SGCZ: variants seen among roughly 807,000 people sequenced by gnomAD.
SGCZ encodes zeta-sarcoglycan.
A neutral mutation model predicts 41.3 loss-of-function variants in SGCZ; 40 were observed. The observed-to-expected ratio is 0.97, with a 90% CI of 0.75 to 1.26. The LOEUF (loss-of-function observed/expected upper bound fraction) is 1.26. Among genes scored for constraint, SGCZ ranks in the 50% most tolerant of loss-of-function variants. SGCZ has a pLI of 0.00. For missense variants in SGCZ, 552 were observed against 369.8 expected (o/e 1.49, Z -4.04); for synonymous variants, 206 against 137.5 (o/e 1.50, Z -3.49).
At chr8:14,211,224 C>G (rs1805795436) in intron 4 of SGCZ, among the ~76,000 whole-genome samples, 1 of 152,130 alleles carries the variant, frequency 6.6e-6, no homozygotes, top group Non-Finnish European at 1.5e-5. Flanking sequence ...TTGCAGGACT[C>G]CTGTGTCTGC....
At chr8:14,413,349 C>G (rs1053387314) in intron 2 of SGCZ, among the ~76,000 whole-genome samples, 2 of 126,448 alleles carry the variant, frequency 1.6e-5, no homozygotes, top group Non-Finnish European at 3.3e-5. Flanking sequence ...GATATCCTTA[C>G]TTTTTAAGCT....
intron 7 of SGCZ, 68 bp from the exon 8 acceptor site, chr8:14,090,705 C>T (rs907653746): frequency 3.3e-5 from 44 of 1,346,052 alleles, no homozygotes; most frequent in Non-Finnish European, 4.4e-5. Context: ...CTACATCCCT[C>T]CTCAACATGG....
chr8:14,322,427 A>G (rs12550172), intron 3 of SGCZ, among the ~76,000 whole-genome samples: 30,784 of 152,058 alleles, frequency 0.2, 3,863 homozygotes, highest in Non-Finnish European at 0.29. Flanking sequence ...TCCACCTCAC[A>G]CGTTAATGCT....
intron 1 of SGCZ, among the ~76,000 whole-genome samples, chr8:15,185,552 A>G (rs1800307015): frequency 6.6e-6 from 1 of 152,136 alleles, no homozygotes; most frequent in Non-Finnish European, 1.5e-5. Context: ...ATATCTTTAT[A>G]TCTGTCTAGT....
chr8:14,539,299 C>G (rs1226700033), intron 2 of SGCZ, among the ~76,000 whole-genome samples: 1 of 151,930 alleles, frequency 6.6e-6, no homozygotes, highest in African/African-American at 2.4e-5. Flanking sequence ...CCTTGTCTCT[C>G]TCTTTCTATA....
At chr8:14,711,155 A>G (rs184344006) in intron 1 of SGCZ, among the ~76,000 whole-genome samples, 1 of 152,348 alleles carries the variant, frequency 6.6e-6, no homozygotes, top group African/African-American at 2.4e-5. Context: ...ATACTGAGCA[A>G]GTCACTATGG....
intron 1 of SGCZ, among the ~76,000 whole-genome samples, chr8:15,005,064 C>T (rs1802555850): frequency 6.6e-6 from 1 of 152,168 alleles, no homozygotes. Flanking sequence ...GATCACTTCA[C>T]ACGGTGCGCT....
chr8:14,182,959 G>A (rs184203757), intron 4 of SGCZ, among the ~76,000 whole-genome samples: 7 of 145,328 alleles, frequency 4.8e-5, no homozygotes, highest in East Asian at 2.0e-4. Context: ...GCAGTGAGCC[G>A]AGATCGTGCC....
chr8:14,511,082 T>C (rs1482726382), intron 2 of SGCZ, among the ~76,000 whole-genome samples: 1 of 151,966 alleles, frequency 6.6e-6, no homozygotes, highest in Non-Finnish European at 1.5e-5. Flanking sequence ...TAGGTGAATT[T>C]AGGATGAATT....
intron 5 of SGCZ, among the ~76,000 whole-genome samples, chr8:14,111,093 A>T (rs922664980): frequency 1.3e-5 from 2 of 152,010 alleles, no homozygotes; most frequent in South Asian, 2.1e-4. Flanking sequence ...TTTAAAAAAA[A>T]ACTGTCTCTC....
intron 2 of SGCZ, among the ~76,000 whole-genome samples, chr8:14,504,306 T>C (rs1324577958): frequency 1.3e-5 from 2 of 152,230 alleles, no homozygotes; most frequent in Non-Finnish European, 2.9e-5. Flanking sequence ...TCTTTTTTAA[T>C]ATTCAATCTT....
At chr8:14,376,332 A>G (rs1347872542) in intron 2 of SGCZ, among the ~76,000 whole-genome samples, 2 of 150,626 alleles carry the variant, frequency 1.3e-5, no homozygotes, top group Non-Finnish European at 2.9e-5. Flanking sequence ...ATAAAATAAA[A>G]AATAAAATAA....
chr8:15,215,205 T>C lies in SGCZ; in HGVS notation c.39+22380A>G, dbSNP rs568925573. The stretch of plus-strand genomic sequence containing the variant: ...TGGCATTAAACTAGATATATCACAG[T>C]TACAAAGATAATTATTGCTCTTCAA... On this transcript the variant is annotated intron_variant, in intron 1 of 7. Transcript: ENST00000382080. 9.4e-4 allele frequency among the ~76,000 whole-genome samples: 143 copies of C among 152,296 alleles called. 2 individuals are homozygous for C. Among genetic ancestry groups the C allele is most frequent in the Non-Finnish European group, 1.8e-3 (122 of 68,014 alleles).
At chr8:14,702,812 GGTAGATAGA>G (rs1563212869) in intron 1 of SGCZ, among the ~76,000 whole-genome samples, 14 of 118,366 alleles carry the variant, frequency 1.2e-4, no homozygotes, top group African/African-American at 3.9e-4. Context: ...TAGGTAGTTA[GGTAGATAGA>G]TAGATAGATA....
In SGCZ at chr8:14,088,205, C is replaced by T. The variant is rs1801581377; in HGVS notation, c.*2238G>A. ...GAACATGTTGGAACAGAAAGGAACC[C>T]CAAGAGACTATTTTATTCAATACTT... On this transcript the variant is annotated 3_prime_UTR_variant, in exon 8 of 8. Coordinates refer to ENST00000382080, the MANE Select transcript of SGCZ (RefSeq NM_139167.4). Among the ~76,000 whole-genome samples, 1 of 151,576 alleles carries T rather than the reference C, an allele frequency of 6.6e-6. No individual in the cohort carries two copies. Among genetic ancestry groups the T allele is most frequent in the Admixed American group, 6.6e-5 (1 of 15,172 alleles).
chr8:14,807,636 G>A lies in SGCZ; in HGVS notation c.40-252710C>T, dbSNP rs552050577. ...CTCAAGGGTAGGAAGAATCAATATC[G>A]TGAAAATGGCCATACTGCCCAAGGT... On this transcript the variant is annotated intron_variant, in intron 1 of 7. Coordinates refer to ENST00000382080, the MANE Select transcript of SGCZ (RefSeq NM_139167.4). Among the ~76,000 whole-genome samples the A allele has an allele frequency of 9.3e-3, 1,407 of 151,716 alleles. 17 individuals are homozygous for A. The highest frequency in any genetic ancestry group is 0.043 in the South Asian group (205 of 4,786).
At chr8:15,039,479 G>T (rs551568108) in intron 1 of SGCZ, among the ~76,000 whole-genome samples, 2 of 152,140 alleles carry the variant, frequency 1.3e-5, no homozygotes, top group Non-Finnish European at 2.9e-5. Flanking sequence ...ATCAGTGGGT[G>T]GGGTTGGGAA....
At chr8:14,460,763 C>A (rs558290454) in intron 2 of SGCZ, among the ~76,000 whole-genome samples, 4 of 152,128 alleles carry the variant, frequency 2.6e-5, no homozygotes, top group Non-Finnish European at 5.9e-5. Context: ...AGATGCCTAA[C>A]TTTAGAGCTA....
At chr8:14,676,293 T>G (rs1808275450) in intron 1 of SGCZ, among the ~76,000 whole-genome samples, 1 of 151,942 alleles carries the variant, frequency 6.6e-6, no homozygotes, top group South Asian at 2.1e-4. Context: ...GCCAGGAGTT[T>G]GAGACCAGCC....
Sources: gnomAD v4.1 joint callset for allele counts (sites outside exome capture counted in the v4.1 genomes callset) on GRCh38, gnomAD v4.1.1 for gene constraint, MANE v1.5 for transcripts, NCBI Gene and HGNC (gene_info 2026-07-23, HGNC 2026-07-21) for gene names.